PIK3CB: variants seen among roughly 807,000 people sequenced by gnomAD.
PIK3CB encodes phosphatidylinositol 4,5-bisphosphate 3-kinase catalytic subunit beta isoform.
In PIK3CB, 39 loss-of-function variants were observed where a neutral mutation model predicts 136.8. That is an observed-to-expected ratio of 0.29 (90% CI 0.22 to 0.37). The LOEUF is 0.37. Ranked by LOEUF, PIK3CB falls within the 10% of genes least tolerant of loss-of-function variation. PIK3CB has a pLI of 1.00. For synonymous variants in PIK3CB, 428 were observed against 436.6 expected, an observed-to-expected ratio of 0.98 and a Z score of 0.25; for missense variants, 868 against 1,275.4, an observed-to-expected ratio of 0.68 and a Z score of 4.87.
At chr3:138,728,779 CAA>C (rs71146138) in intron 8 of PIK3CB, among the ~76,000 whole-genome samples, 3 of 107,184 alleles carry the variant, frequency 2.8e-5, no homozygotes, top group African/African-American at 3.9e-5. Flanking sequence ...GACTCCGTCT[CAA>C]AAAAAAAAAA....
chr3:138,814,811 G>T (rs1210991068), intron 1 of PIK3CB, among the ~76,000 whole-genome samples: 1 of 151,928 alleles, frequency 6.6e-6, no homozygotes, highest in Non-Finnish European at 1.5e-5. Context: ...AGCCCAGCCT[G>T]GGCAACATGG....
chr3:138,791,694 A>C (rs1270959029), intron 2 of PIK3CB, among the ~76,000 whole-genome samples: 2 of 152,152 alleles, frequency 1.3e-5, no homozygotes, highest in Non-Finnish European at 2.9e-5. Flanking sequence ...ATCCAGCTTC[A>C]AACACTTTGT....
rs577082879 is a variant in PIK3CB, at chr3:138,769,212, C to T, written c.-16-9853G>A. Among the ~76,000 whole-genome samples, 255 of 152,330 alleles carry T rather than the reference C, an allele frequency of 1.7e-3. 3 individuals are homozygous for T. The highest frequency in any genetic ancestry group is 4.6e-3 in the South Asian group (22 of 4,828). Reference sequence around the variant, plus strand: ...GCATGATGGCAGCAGCTGTTCTAGACGGTCCACCGCTGCCATCACTACTAT... The same window carrying T: ...GCATGATGGCAGCAGCTGTTCTAGATGGTCCACCGCTGCCATCACTACTAT... On this transcript the variant is annotated intron_variant, in intron 2 of 23. Transcript: ENST00000674063.
chr3:138,685,338 G>A (rs771078860), intron 16 of PIK3CB, among the ~76,000 whole-genome samples: 1 of 128,302 alleles, frequency 7.8e-6, no homozygotes, highest in Non-Finnish European at 1.6e-5. Flanking sequence ...AGGTTGCAGT[G>A]AGCCAAGATT....
chr3:138,658,940 G>T (rs754009051), intron 21 of PIK3CB, among the ~76,000 whole-genome samples: 33 of 152,176 alleles, frequency 2.2e-4, no homozygotes, highest in Non-Finnish European at 4.1e-4. Context: ...TGGGCTGGTT[G>T]TTCTCCGGTG....
chr3:138,782,573 C>T (rs1389969372), intron 2 of PIK3CB, among the ~76,000 whole-genome samples: 15 of 152,114 alleles, frequency 9.9e-5, no homozygotes, highest in Non-Finnish European at 2.2e-4. Context: ...GGGCACTTAG[C>T]GGATACACAT....
chr3:138,734,951 A>ATTTT, intron 6 of PIK3CB, 147 bp from the exon 7 acceptor site: 1 of 296,716 alleles, frequency 3.4e-6, no homozygotes, highest in Non-Finnish European at 5.8e-6. Context: ...AAAAAAAAAA[A>ATTTT]ATTTTTTTTT....
chr3:138,748,737 A>G (rs1410897419), intron 4 of PIK3CB, among the ~76,000 whole-genome samples: 3 of 152,208 alleles, frequency 2.0e-5, no homozygotes, highest in Non-Finnish European at 2.9e-5. Context: ...CTTTTCTGAA[A>G]ATTCAAAAGG....
intron 8 of PIK3CB, 95 bp from the exon 9 acceptor site, chr3:138,714,814 AC>A: frequency 8.7e-7 from 1 of 1,154,198 alleles, no homozygotes; most frequent in Non-Finnish European, 1.2e-6. Flanking sequence ...TACACTAAAA[AC>A]ATCTTTATTT....
At chr3:138,748,178 C>CACAT (rs2045400415) in intron 4 of PIK3CB, among the ~76,000 whole-genome samples, 1 of 151,586 alleles carries the variant, frequency 6.6e-6, no homozygotes, top group Non-Finnish European at 1.5e-5. Flanking sequence ...CACACACACA[C>CACAT]ACACACACAC....
intron 2 of PIK3CB, among the ~76,000 whole-genome samples, chr3:138,777,273 G>A (rs1358543547): frequency 6.6e-6 from 1 of 152,178 alleles, no homozygotes; most frequent in Non-Finnish European, 1.5e-5. Flanking sequence ...GTGATGGCTT[G>A]ACCTCTAATA....
At chr3:138,741,823 G>A (rs974330953) in intron 5 of PIK3CB, among the ~76,000 whole-genome samples, 6 of 146,750 alleles carry the variant, frequency 4.1e-5, no homozygotes, top group African/African-American at 1.3e-4. Context: ...GCAAGACTCC[G>A]TCTAAAAAAA....
intron 1 of PIK3CB, among the ~76,000 whole-genome samples, chr3:138,830,460 G>C (rs1379662682): frequency 1.3e-5 from 2 of 152,148 alleles, no homozygotes; most frequent in Non-Finnish European, 2.9e-5. Context: ...GGCTGAGGCA[G>C]GATAATTCCT....
At chr3:138,657,545 G>A (rs2043212771) in intron 22 of PIK3CB, 145 bp downstream of exon 22, 1 of 637,974 alleles carries the variant, frequency 1.6e-6, no homozygotes, top group Non-Finnish European at 2.7e-6. Context: ...ACAATAATCT[G>A]ACAGGCAAAT....
intron 4 of PIK3CB, among the ~76,000 whole-genome samples, chr3:138,752,713 GA>G (rs1199187032): frequency 3.0e-4 from 38 of 127,468 alleles, no homozygotes; most frequent in Admixed American, 2.2e-3. Flanking sequence ...CGTCTCAACA[GA>G]AAAAAAAAAA....
chr3:138,731,837 G>C (rs1231450453), intron 8 of PIK3CB, among the ~76,000 whole-genome samples: 1 of 151,780 alleles, frequency 6.6e-6, no homozygotes, highest in Non-Finnish European at 1.5e-5. Flanking sequence ...ACAAAAATTA[G>C]CCAGGTGTGG....
chr3:138,828,464 C>T (rs533390254), intron 1 of PIK3CB, among the ~76,000 whole-genome samples: 1 of 152,164 alleles, frequency 6.6e-6, no homozygotes, highest in African/African-American at 2.4e-5. Context: ...GGATTACAGG[C>T]GTAAACCACA....
intron 8 of PIK3CB, among the ~76,000 whole-genome samples, chr3:138,719,519 T>TTAA (rs1417236046): frequency 3.3e-5 from 5 of 152,014 alleles, no homozygotes; most frequent in Admixed American, 3.3e-4. Context: ...GTATGAGCCT[T>TTAA]TAACACCGGT....
intron 19 of PIK3CB, among the ~76,000 whole-genome samples, chr3:138,673,781 G>T (rs918376966): frequency 6.6e-6 from 1 of 152,080 alleles, no homozygotes; most frequent in Non-Finnish European, 1.5e-5. Context: ...TCCCAGTTAT[G>T]TGGTAGCCTT....
Sources: gnomAD v4.1 joint callset for allele counts (sites outside exome capture counted in the v4.1 genomes callset) on GRCh38, gnomAD v4.1.1 for gene constraint, MANE v1.5 for transcripts, NCBI Gene and HGNC (gene_info 2026-07-23, HGNC 2026-07-21) for gene names.